BCKDHB: variants seen among roughly 807,000 people sequenced by gnomAD.
The protein encoded by BCKDHB is branched chain keto acid dehydrogenase E1 subunit beta.
Under a neutral mutation model 48.5 loss-of-function variants are expected in BCKDHB, and 41 were observed. The ratio of observed to expected loss-of-function variants is 0.85; its 90% CI spans 0.66 to 1.10. The LOEUF (loss-of-function observed/expected upper bound fraction) is 1.10. BCKDHB is among the 50% of genes least tolerant of loss of function. The probability of loss-of-function intolerance (pLI) is 0.00; values close to 1 mark genes in which losing one functional copy is unlikely to be tolerated. For synonymous variants in BCKDHB, 201 were observed against 174.8 expected (o/e 1.15, Z -1.18); for missense variants, 496 against 494.2 (o/e 1.00, Z -0.03).
intron 8 of BCKDHB, among the ~76,000 whole-genome samples, chr6:80,270,893 A>C (rs1303801772): frequency 2.0e-5 from 3 of 152,104 alleles, no homozygotes; most frequent in Admixed American, 2.0e-4. Flanking sequence ...ATGTTTTTTG[A>C]GAAGATTATA....
At chr6:80,422,835 T>C in the BCKDHB span, among the ~76,000 whole-genome samples, 2 of 152,192 alleles carry the variant, frequency 1.3e-5, no homozygotes, top group South Asian at 4.1e-4. Flanking sequence ...TTGTCTTTGA[T>C]TTTACAGGCT....
At chr6:80,405,051 C>T in the BCKDHB span, among the ~76,000 whole-genome samples, 2 of 152,018 alleles carry the variant, frequency 1.3e-5, no homozygotes, top group South Asian at 2.1e-4. Flanking sequence ...TCTTTGGGTC[C>T]ATTTCCTCTA....
chr6:80,115,132 CTTTCA>C (rs900974183), intron 1 of BCKDHB, among the ~76,000 whole-genome samples: 2 of 152,010 alleles, frequency 1.3e-5, no homozygotes, highest in African/African-American at 2.4e-5. Context: ...CTTTATGGAT[CTTTCA>C]TTTCATTTTT....
At chr6:80,461,534 T>A in the BCKDHB span, among the ~76,000 whole-genome samples, 1 of 152,278 alleles carries the variant, frequency 6.6e-6, no homozygotes, top group Non-Finnish European at 1.5e-5. Flanking sequence ...TTTCACCTGA[T>A]GAAAACTCTC....
chr6:80,377,533 A>T, the BCKDHB span, among the ~76,000 whole-genome samples: 1 of 152,180 alleles, frequency 6.6e-6, no homozygotes, highest in Non-Finnish European at 1.5e-5. Context: ...TATAGTATGA[A>T]GTAAGGGTCT....
intron 3 of BCKDHB, among the ~76,000 whole-genome samples, chr6:80,162,705 G>T (rs1772376141): frequency 6.6e-6 from 1 of 152,060 alleles, no homozygotes; most frequent in Admixed American, 6.5e-5. Context: ...ACAAAAATTA[G>T]CTGGGCGTGG....
chr6:80,229,099 G>T (rs534363398), intron 8 of BCKDHB, among the ~76,000 whole-genome samples: 1 of 152,294 alleles, frequency 6.6e-6, no homozygotes, highest in South Asian at 2.1e-4. Context: ...TACTCAGTGA[G>T]CACCTTCTGG....
intron 9 of BCKDHB, among the ~76,000 whole-genome samples, chr6:80,303,782 A>C (rs1767708315): frequency 6.6e-6 from 1 of 151,976 alleles, no homozygotes. Flanking sequence ...ACTTTATGAC[A>C]CCTCTAATTA....
At chr6:80,445,712 A>G in the BCKDHB span, among the ~76,000 whole-genome samples, 1 of 152,190 alleles carries the variant, frequency 6.6e-6, no homozygotes, top group African/African-American at 2.4e-5. Context: ...ACCTACCCTT[A>G]TCTGCTCCTG....
At chr6:80,365,660 T>A in the BCKDHB span, among the ~76,000 whole-genome samples, 1 of 152,192 alleles carries the variant, frequency 6.6e-6, no homozygotes, top group Non-Finnish European at 1.5e-5. Context: ...CAAATACACG[T>A]TTTACAATCA....
chr6:80,197,249 A>G (rs1774173195), intron 6 of BCKDHB, among the ~76,000 whole-genome samples: 1 of 152,216 alleles, frequency 6.6e-6, no homozygotes. Flanking sequence ...AATTTAACTA[A>G]GAAGTATCTA....
chr6:80,453,039 A>G, the BCKDHB span: 2 of 152,206 alleles, frequency 1.3e-5, no homozygotes, highest in African/African-American at 4.8e-5. Context: ...GCATATGAAT[A>G]TATATCAGTA....
the BCKDHB span, among the ~76,000 whole-genome samples, chr6:80,408,803 CA>C: frequency 0.93 from 130,094 of 140,234 alleles, 60,820 homozygotes; most frequent in Non-Finnish European, 0.99. Flanking sequence ...TTTTTTTTTT[CA>C]AAAAAAAAAA....
At chr6:80,230,504 G>T (rs1004613260) in intron 8 of BCKDHB, among the ~76,000 whole-genome samples, 2 of 152,080 alleles carry the variant, frequency 1.3e-5, no homozygotes, top group African/African-American at 4.8e-5. Context: ...TGGAACAGGG[G>T]GTTAGCAATT....
intron 8 of BCKDHB, among the ~76,000 whole-genome samples, chr6:80,216,659 AT>A (rs1775186432): frequency 6.6e-6 from 1 of 152,236 alleles, no homozygotes; most frequent in East Asian, 1.9e-4. Context: ...ACCTCATTTC[AT>A]AATGAAAAAA....
intron 8 of BCKDHB, among the ~76,000 whole-genome samples, chr6:80,262,848 A>G (rs985716605): frequency 6.6e-6 from 1 of 152,118 alleles, no homozygotes; most frequent in Non-Finnish European, 1.5e-5. Context: ...TTCACAACCT[A>G]AGCTATTGTA....
intron 8 of BCKDHB, among the ~76,000 whole-genome samples, chr6:80,267,094 C>T (rs1170990784): frequency 2.0e-5 from 3 of 151,998 alleles, no homozygotes; most frequent in African/African-American, 7.2e-5. Flanking sequence ...GCATAATTTG[C>T]TCAATGTAAT....
At chr6:80,414,290 CTTTAG>C in the BCKDHB span, among the ~76,000 whole-genome samples, 1 of 152,022 alleles carries the variant, frequency 6.6e-6, no homozygotes, top group East Asian at 1.9e-4. Context: ...TGCAGAAGCT[CTTTAG>C]TTTAATTAGA....
chr6:80,107,142 C>A (rs1287677699), intron 1 of BCKDHB, among the ~76,000 whole-genome samples: 5 of 151,778 alleles, frequency 3.3e-5, no homozygotes, highest in Non-Finnish European at 7.4e-5. Context: ...CATACTGCCA[C>A]CTGGAAGAGC....
Sources: gnomAD v4.1 joint callset for allele counts (sites outside exome capture counted in the v4.1 genomes callset) on GRCh38, gnomAD v4.1.1 for gene constraint, MANE v1.5 for transcripts, NCBI Gene and HGNC (gene_info 2026-07-23, HGNC 2026-07-21) for gene names.